The following RBFOX1 variants were observed in gnomAD, a reference collection of about 807,000 sequenced individuals.
RBFOX1 encodes the protein RNA binding protein fox-1 homolog 1.
RBFOX1 carries 8 observed loss-of-function variants against 57.7 expected under a neutral mutation model. The observed-to-expected ratio is 0.14, with a 90% CI of 0.08 to 0.25. The LOEUF (loss-of-function observed/expected upper bound fraction) is 0.25, where lower values mean the gene tolerates loss of function less well. RBFOX1 is among the 10% of genes least tolerant of loss of function. The pLI, the probability that RBFOX1 is intolerant of heterozygous loss-of-function variation, is 1.00. For synonymous variants in RBFOX1, 326 were observed against 222.4 expected (o/e 1.47, Z -4.15); for missense variants, 611 against 548.5 (o/e 1.11, Z -1.14).
intron 1 of RBFOX1, among the ~76,000 whole-genome samples, chr16:5,373,689 T>C (rs1022587117): frequency 6.8e-6 from 1 of 147,890 alleles, no homozygotes; most frequent in Non-Finnish European, 1.5e-5. Flanking sequence ...ACTGCACCTT[T>C]GCCTCCCGGG....
rs374131203 is a variant in RBFOX1, at chr16:6,903,175, G to A, written c.-15-148882G>A. On this transcript the variant is annotated intron_variant, in intron 3 of 15. Transcript: ENST00000550418. ...AAGAAGGGGAGGAGCCTTTCAGATG[G>A]CAGGACAGCCATATACAAAGATCTG... Among the ~76,000 whole-genome samples, 89 of 152,278 alleles carry A rather than the reference G, an allele frequency of 5.8e-4. No homozygotes were observed. In the South Asian group the frequency reaches 0.017, roughly 30 times the overall value.
intron 5 of RBFOX1, among the ~76,000 whole-genome samples, chr16:7,534,035 T>G (rs947272884): frequency 6.6e-6 from 1 of 151,742 alleles, no homozygotes; most frequent in African/African-American, 2.4e-5. Context: ...GTGATAGACA[T>G]GGAACTCAGA....
intron 4 of RBFOX1, among the ~76,000 whole-genome samples, chr16:7,120,400 A>G (rs1176363560): frequency 6.6e-6 from 1 of 152,068 alleles, no homozygotes; most frequent in Non-Finnish European, 1.5e-5. Context: ...GCTCTTTCAA[A>G]GCATAGAAGT....
chr16:6,963,107 C>A (rs1051886129), intron 3 of RBFOX1, among the ~76,000 whole-genome samples: 1 of 152,120 alleles, frequency 6.6e-6, no homozygotes, highest in Admixed American at 6.6e-5. Context: ...CTGAGGAAGT[C>A]CGAGATTCAC....
chr16:7,058,476 T>C (rs9932771), intron 4 of RBFOX1, among the ~76,000 whole-genome samples: 105,321 of 151,670 alleles, frequency 0.69, 37,637 homozygotes, highest in East Asian at 0.91. Context: ...CTTTGCAACT[T>C]AGCACTTTGT....
chr16:7,207,045 G>A (rs1029642080), intron 4 of RBFOX1, among the ~76,000 whole-genome samples: 5 of 152,104 alleles, frequency 3.3e-5, no homozygotes, highest in South Asian at 4.1e-4. Context: ...AACTTCAAGG[G>A]CTTTATGGAA....
At chr16:7,640,419 C>G (rs571905652) in intron 11 of RBFOX1, among the ~76,000 whole-genome samples, 1 of 152,322 alleles carries the variant, frequency 6.6e-6, no homozygotes, top group African/African-American at 2.4e-5. Context: ...CAAAAGGCCG[C>G]CAGTTGCAAA....
At chr16:6,406,748 T>A (rs567682401) in intron 2 of RBFOX1, among the ~76,000 whole-genome samples, 3 of 152,270 alleles carry the variant, frequency 2.0e-5, no homozygotes, top group Admixed American at 2.0e-4. Flanking sequence ...CATGCATCAT[T>A]GCAAAGGGTC....
At chr16:5,956,217 A>G (rs1370908802) in intron 4 of RBFOX1, among the ~76,000 whole-genome samples, 2 of 152,158 alleles carry the variant, frequency 1.3e-5, no homozygotes, top group African/African-American at 2.4e-5. Context: ...TGGAGTTTGC[A>G]ATGAGCCGAG....
At chr16:6,882,899 A>G (rs931319737) in intron 3 of RBFOX1, among the ~76,000 whole-genome samples, 1 of 152,036 alleles carries the variant, frequency 6.6e-6, no homozygotes, top group African/African-American at 2.4e-5. Flanking sequence ...TTTCCATTAT[A>G]CTTACCAGGA....
chr16:5,856,278 T>C lies in RBFOX1; in HGVS notation c.319-11025T>C, dbSNP rs12931687. ...ATATATATGTATATATATATACACA[T>C]ATATATACACACACACACACACACA... On this transcript the variant is annotated intron_variant, in intron 3 of 19. Coordinates refer to the RBFOX1 transcript ENST00000641259. 4.3e-3 allele frequency among the ~76,000 whole-genome samples: 110 copies of C among 25,528 alleles called. 7 individuals are homozygous for C. Among genetic ancestry groups the C allele is most frequent in the African/African-American group, 0.016 (104 of 6,346 alleles). The allele number at this position is 25,528 out of a possible 152,430, so 16.7% of individuals were successfully genotyped here. A position where few individuals can be genotyped will look rare whatever the true frequency, so the allele number is the denominator to read the frequency against.
At chr16:7,439,729 A>G (rs976549216) in intron 4 of RBFOX1, among the ~76,000 whole-genome samples, 3 of 152,104 alleles carry the variant, frequency 2.0e-5, no homozygotes, top group Non-Finnish European at 2.9e-5. Flanking sequence ...TTGCTAATGG[A>G]TGTGTCTTTT....
intron 3 of RBFOX1, among the ~76,000 whole-genome samples, chr16:6,708,045 T>A (rs979856714): frequency 6.6e-6 from 1 of 152,108 alleles, no homozygotes; most frequent in African/African-American, 2.4e-5. Flanking sequence ...CCCTTTTCCA[T>A]CGTCTTTCCC....
intron 1 of RBFOX1, among the ~76,000 whole-genome samples, chr16:6,075,037 C>T (rs949433520): frequency 6.6e-6 from 1 of 152,168 alleles, no homozygotes; most frequent in Non-Finnish European, 1.5e-5. Flanking sequence ...ACACGAACCT[C>T]CAGAACAGAG....
intron 1 of RBFOX1, among the ~76,000 whole-genome samples, chr16:6,230,087 A>G (rs1244308317): frequency 6.6e-6 from 1 of 152,176 alleles, no homozygotes; most frequent in Admixed American, 6.6e-5. Context: ...GTAGATAATA[A>G]TAAATATATT....
At chr16:7,338,531 G>C (rs1468421177) in intron 4 of RBFOX1, among the ~76,000 whole-genome samples, 1 of 152,126 alleles carries the variant, frequency 6.6e-6, no homozygotes, top group African/African-American at 2.4e-5. Flanking sequence ...TGGAACTACA[G>C]ACATGTACCA....
At chr16:6,967,569 C>G (rs964421233) in intron 3 of RBFOX1, among the ~76,000 whole-genome samples, 9 of 152,110 alleles carry the variant, frequency 5.9e-5, no homozygotes, top group Non-Finnish European at 5.9e-5. Flanking sequence ...TCCTACACCT[C>G]TTTACATGTC....
At chr16:5,242,980 C>T (rs1191879911) in intron 1 of RBFOX1, among the ~76,000 whole-genome samples, 4 of 74,530 alleles carry the variant, frequency 5.4e-5, no homozygotes, top group East Asian at 4.2e-4. Context: ...ATGGTGGGGA[C>T]GTGGTGGGGG....
chr16:6,808,172 G>GTC (rs1424963883), intron 3 of RBFOX1, among the ~76,000 whole-genome samples: 1 of 143,356 alleles, frequency 7.0e-6, no homozygotes, highest in East Asian at 2.0e-4. Context: ...GTGTGTGTGT[G>GTC]TGTGTGTATA....
Sources: allele counts gnomAD v4.1 joint callset (sites outside exome capture counted in the v4.1 genomes callset), GRCh38; gene constraint gnomAD v4.1.1; transcripts MANE v1.5; gene names NCBI Gene and HGNC (gene_info 2026-07-23, HGNC 2026-07-21).